The following TET1 variants were observed in gnomAD, a reference collection of about 807,000 sequenced individuals.
TET1 encodes tet methylcytosine dioxygenase 1.
TET1 carries 13 observed loss-of-function variants against 148.7 expected under a neutral mutation model. The ratio of observed to expected loss-of-function variants is 0.09; its 90% CI spans 0.06 to 0.14. TET1 has a LOEUF of 0.14. Among genes scored for constraint, TET1 ranks in the 10% least tolerant of loss-of-function variants. The pLI, the probability that TET1 is intolerant of heterozygous loss-of-function variation, is 1.00. For synonymous variants in TET1, 907 were observed against 937.2 expected, an observed-to-expected ratio of 0.97 and a Z score of 0.59; for missense variants, 2,182 against 2,553.8, an observed-to-expected ratio of 0.85 and a Z score of 3.14.
In TET1 at chr10:68,574,009, C is replaced by T. The variant is rs1225853547; in HGVS notation, c.1671C>T (p.Val557=). 61 of 1,614,026 alleles carry T rather than the reference C, an allele frequency of 3.8e-5. No homozygotes were observed. Among genetic ancestry groups the T allele is most frequent in the Non-Finnish European group, 5.0e-5 (59 of 1,180,030 alleles). Residue 557 remains valine, a synonymous_variant, in exon 2 of 12, where the codon GTC becomes GTT. Transcript: ENST00000373644. Reference sequence around the variant, plus strand: ...GTGTAACCAGCACAGTTCATGTTGTCAACACCACAGTGGTGACTATGCCAG... The same window carrying T: ...GTGTAACCAGCACAGTTCATGTTGTTAACACCACAGTGGTGACTATGCCAG... The part of the protein sequence containing the change: ...QVSVTSTVHV[V]NTTVVTMPVP...
At chr10:68,611,706 TTC>T (rs2054215596) in intron 3 of TET1, among the ~76,000 whole-genome samples, 1 of 151,552 alleles carries the variant, frequency 6.6e-6, no homozygotes, top group Non-Finnish European at 1.5e-5. Context: ...TTCTTTTTCT[TTC>T]TTTTTTTTTT....
chr10:68,677,716 G>T (rs1379211883), intron 8 of TET1, among the ~76,000 whole-genome samples: 1 of 151,524 alleles, frequency 6.6e-6, no homozygotes, highest in Non-Finnish European at 1.5e-5. Flanking sequence ...GTGTGATCTC[G>T]GCTCACTGCA....
chr10:68,583,435 C>T (rs762494307), intron 2 of TET1, among the ~76,000 whole-genome samples: 1 of 150,306 alleles, frequency 6.7e-6, no homozygotes, highest in Non-Finnish European at 1.5e-5. Flanking sequence ...ATTACCTTGA[C>T]AATGAGACCC....
At chr10:68,669,245 C>T (rs1178300527) in intron 7 of TET1, among the ~76,000 whole-genome samples, 3 of 39,760 alleles carry the variant, frequency 7.5e-5, no homozygotes, top group Non-Finnish European at 3.4e-4. Flanking sequence ...CCCCTCACCA[C>T]CCCCCACAAA....
rs774508301 is a variant in TET1, at chr10:68,584,037, C to CT, written c.1914+9798dup. 3.1e-3 allele frequency among the ~76,000 whole-genome samples: 457 copies of CT among 145,514 alleles called. 3 individuals carry two copies. The highest frequency in any genetic ancestry group is 0.013 in the East Asian group (64 of 4,966). ...TTGAATTAGTGAATGAATAAAATAT[C>CT]TTTTTTTTTTTTTAATTTTTTTGAG... On this transcript the variant is annotated intron_variant, in intron 2 of 11. Transcript: ENST00000373644.
At chr10:68,658,222 G>T (rs1049312701) in intron 6 of TET1, among the ~76,000 whole-genome samples, 3 of 151,572 alleles carry the variant, frequency 2.0e-5, no homozygotes, top group Admixed American at 6.6e-5. Context: ...TGTTTCTCTT[G>T]TCTTCTTTTT....
At chr10:68,681,221 C>T (rs2055430750) in intron 8 of TET1, among the ~76,000 whole-genome samples, 178 bp from the exon 9 acceptor site, 1 of 152,126 alleles carries the variant, frequency 6.6e-6, no homozygotes, top group Middle Eastern at 3.2e-3. Flanking sequence ...TAAAGCATAA[C>T]AATGTCTAAT....
chr10:68,687,123 T>G (rs1418495943), intron 11 of TET1, among the ~76,000 whole-genome samples: 3 of 151,438 alleles, frequency 2.0e-5, no homozygotes, highest in East Asian at 2.0e-4. Flanking sequence ...TCCTGACCTC[T>G]TGATCCGCCC....
In TET1 at chr10:68,646,610, A is replaced by G. The variant is rs765659978; in HGVS notation, c.3881A>G (p.Gln1294Arg). Reference sequence around the variant, plus strand: ...GTACAGTTAACGGTGAATGCCAATCAGAAAGCCCATCCTTTGACCCAGCCC... The same window carrying G: ...GTACAGTTAACGGTGAATGCCAATCGGAAAGCCCATCCTTTGACCCAGCCC... The part of the protein sequence containing the change: ...SQVQLTVNAN[Q>R]KAHPLTQPSS... Residue 1294 changes from glutamine to arginine, a missense_variant, in exon 4 of 12, where the codon CAG becomes CGG. Transcript: ENST00000373644. The G allele has an allele frequency of 1.2e-6, 2 of 1,614,236 alleles. No individual in the cohort carries two copies. Among genetic ancestry groups the G allele is most frequent in the African/African-American group, 1.3e-5 (1 of 75,066 alleles).
Position 68,644,856 on chromosome 10 carries a change from G to T in TET1, c.2127G>T (p.Lys709Asn). 6.2e-7 allele frequency: 1 copy of T among 1,613,846 alleles called. No individual in the cohort carries two copies. Among genetic ancestry groups the T allele is most frequent in the Middle Eastern group, 1.6e-4 (1 of 6,062 alleles). The change falls in exon 4 of 12, where the codon AAG (lysine) becomes AAT (asparagine). Residue 709 changes from lysine (K) to asparagine (N), a missense_variant. Transcript: ENST00000373644. ...GCATGACAGGCATCGAGGTGGAGAAGTGGACACAAAACAAGAAATCACAGT... is the reference window on the plus strand; with the variant it reads ...GCATGACAGGCATCGAGGTGGAGAATTGGACACAAAACAAGAAATCACAGT... ...EDSMTGIEVE[K>N]WTQNKKSQLT...
intron 3 of TET1, among the ~76,000 whole-genome samples, chr10:68,601,329 A>T (rs924881321): frequency 7.2e-5 from 11 of 152,190 alleles, no homozygotes; most frequent in African/African-American, 2.7e-4. Flanking sequence ...TAGCATCTGC[A>T]TTTGTGGTGT....
chr10:68,598,330 G>A (rs978752802), intron 2 of TET1, among the ~76,000 whole-genome samples: 1 of 152,224 alleles, frequency 6.6e-6, no homozygotes, highest in Non-Finnish European at 1.5e-5. Flanking sequence ...GGCGGAGGTT[G>A]CAGTGAGCTG....
intron 6 of TET1, among the ~76,000 whole-genome samples, chr10:68,664,128 G>A (rs368020694): frequency 6.6e-6 from 1 of 151,910 alleles, no homozygotes; most frequent in African/African-American, 2.4e-5. Flanking sequence ...CCACGGTGCC[G>A]GCCTGGGTAG....
chr10:68,624,821 T>A (rs189807561), intron 3 of TET1, among the ~76,000 whole-genome samples: 1,976 of 148,348 alleles, frequency 0.013, 63 homozygotes, highest in African/African-American at 0.046. Flanking sequence ...AAGCTCCGCC[T>A]TCCGGGTTCA....
At chr10:68,665,307 C>T (rs1376967188) in intron 6 of TET1, among the ~76,000 whole-genome samples, 4 of 151,804 alleles carry the variant, frequency 2.6e-5, no homozygotes, top group Non-Finnish European at 5.9e-5. Flanking sequence ...CACATACACA[C>T]GAACCTCTGA....
intron 8 of TET1, 45 bp from the exon 9 acceptor site, chr10:68,681,354 G>A: frequency 8.0e-7 from 1 of 1,247,552 alleles, no homozygotes; most frequent in Non-Finnish European, 1.2e-6. Context: ...TTAAACACAT[G>A]AAGGTGCGAT....
chr10:68,574,343 T>C, intron 2 of TET1, 91 bp downstream of exon 2: 1 of 999,882 alleles, frequency 1.0e-6, no homozygotes, highest in Non-Finnish European at 1.4e-6. Flanking sequence ...AGTGTCTCTA[T>C]GTAATAGTGA....
At chr10:68,681,944 G>A (rs1369346928) in intron 9 of TET1, among the ~76,000 whole-genome samples, 16 of 145,210 alleles carry the variant, frequency 1.1e-4, no homozygotes, top group South Asian at 9.1e-4. Flanking sequence ...CTCCAGCCTG[G>A]GTGACAGAGC....
rs199940992 is a variant in TET1, at chr10:68,573,929, G to A, written c.1591G>A (p.Ala531Thr). The stretch of plus-strand genomic sequence containing the variant: ...ACTCTTCCATGCTTCACTGGGTATA[G>A]CCCAACTCTCTCAGGCTGGTCCTAG... ...RGLFHASLGI[A>T]QLSQAGPSKS... The change falls in exon 2 of 12, where the codon GCC becomes ACC. Residue 531 changes from alanine to threonine, a missense_variant. By Grantham distance (58) the Ala-to-Thr change is moderately conservative. Around this residue, in one of 11 missense-constraint regions of TET1, gnomAD observed 665 missense variants for 672.4 expected, o/e 0.99. Coordinates refer to ENST00000373644, the MANE Select transcript of TET1 (RefSeq NM_030625.3). The A allele has an allele frequency of 3.7e-6, 6 of 1,614,028 alleles. No homozygotes were observed. The East Asian group carries it at 6.7e-5, about 18-fold the overall frequency.
Sources: gnomAD v4.1 joint callset for allele counts (sites outside exome capture counted in the v4.1 genomes callset) on GRCh38, gnomAD v4.1.1 for gene constraint, gnomAD v4.1.1 regional missense constraint, MANE v1.5 for transcripts, NCBI Gene and HGNC (gene_info 2026-07-23, HGNC 2026-07-21) for gene names.